Variants in ERI3 observed in about 807,000 individuals in gnomAD.
ERI3 encodes ERI1 exoribonuclease family member 3, also known as ERI1 exoribonuclease 3.
Under a neutral mutation model 44.4 loss-of-function variants are expected in ERI3, and 18 were observed. The ratio of observed to expected loss-of-function variants is 0.41; its 90% CI spans 0.28 to 0.60. The LOEUF is 0.60. Among genes scored for constraint, ERI3 ranks in the 20% least tolerant of loss-of-function variants. The pLI is 0.36. For synonymous variants in ERI3, 183 were observed against 164.8 expected, an observed-to-expected ratio of 1.11 and a Z score of -0.84; for missense variants, 294 against 435.5, an observed-to-expected ratio of 0.68 and a Z score of 2.89.
chr1:44,319,221 A>G (rs1646150442), intron 4 of ERI3, among the ~76,000 whole-genome samples: 1 of 152,270 alleles, frequency 6.6e-6, no homozygotes, highest in African/African-American at 2.4e-5. Flanking sequence ...ACCACTTTAC[A>G]GGAGGACAGA....
At chr1:44,355,273 G>T, upstream of ERI3, 1 of 1,138,130 alleles carries the variant, frequency 8.8e-7, no homozygotes, top group Non-Finnish European at 1.1e-6. Flanking sequence ...CGCGCACTCT[G>T]ACCCCGACCG....
intron 7 of ERI3, among the ~76,000 whole-genome samples, chr1:44,270,122 T>C (rs1280324902): frequency 6.6e-6 from 1 of 152,116 alleles, no homozygotes; most frequent in Non-Finnish European, 1.5e-5. Context: ...TTTCAGGGTC[T>C]AGAGTAGCAA....
chr1:44,263,112 T>C (rs1432876246), intron 7 of ERI3, among the ~76,000 whole-genome samples: 1 of 152,152 alleles, frequency 6.6e-6, no homozygotes, highest in Non-Finnish European at 1.5e-5. Flanking sequence ...CATTAAAAAA[T>C]CCAGAAGTTC....
chr1:44,285,056 G>C, intron 6 of ERI3, 149 bp from the exon 7 acceptor site: 1 of 638,516 alleles, frequency 1.6e-6, no homozygotes, highest in East Asian at 2.8e-5. Flanking sequence ...CCAAAGAAAG[G>C]GAACCCCACC....
chr1:44,354,131 A>G (rs1186140218), intron 1 of ERI3: 2 of 985,330 alleles, frequency 2.0e-6, no homozygotes, highest in Admixed American at 1.2e-4. Flanking sequence ...ATCAAAACTC[A>G]TTTAGCCACT....
chr1:44,288,282 T>C (rs570162246), intron 6 of ERI3, among the ~76,000 whole-genome samples: 1 of 152,288 alleles, frequency 6.6e-6, no homozygotes, highest in African/African-American at 2.4e-5. Context: ...CTCTAGTCAC[T>C]TGCAGGTACA....
At chr1:44,269,323 T>C (rs1323669431) in intron 7 of ERI3, among the ~76,000 whole-genome samples, 1 of 152,142 alleles carries the variant, frequency 6.6e-6, no homozygotes, top group Non-Finnish European at 1.5e-5. Context: ...CCCACGTCTT[T>C]AGTTTCTAGC....
intron 3 of ERI3, among the ~76,000 whole-genome samples, chr1:44,329,170 C>T (rs370700229): frequency 5.9e-5 from 9 of 152,308 alleles, no homozygotes; most frequent in African/African-American, 1.7e-4. Flanking sequence ...TATGAGAAGA[C>T]CGCTCATTAC....
rs565809420 is a variant in ERI3 at position 44,332,914 on chromosome 1, A to T, written c.489+6131T>A. On this transcript the variant is annotated intron_variant, in intron 3 of 8. Transcript: ENST00000372257. Reference sequence around the variant, plus strand: ...GGGCCTAGTGGGCCACCCCATTCCCACCATCACTGGCCATCAATAGAGGAA... The same window carrying T: ...GGGCCTAGTGGGCCACCCCATTCCCTCCATCACTGGCCATCAATAGAGGAA... 3.9e-5 allele frequency among the ~76,000 whole-genome samples: 6 copies of T among 152,356 alleles called. No homozygotes were observed. In the South Asian group the frequency reaches 1.2e-3, roughly 32 times the overall value.
chr1:44,240,096 C>A (rs1261224299), intron 8 of ERI3, among the ~76,000 whole-genome samples: 1 of 152,258 alleles, frequency 6.6e-6, no homozygotes, highest in East Asian at 1.9e-4. Flanking sequence ...ATACCCTCAG[C>A]CACCACAGCA....
At chr1:44,304,261 T>C (rs539306324) in intron 6 of ERI3, among the ~76,000 whole-genome samples, 68 of 152,012 alleles carry the variant, frequency 4.5e-4, no homozygotes, top group Non-Finnish European at 6.3e-4. Flanking sequence ...ATACAGAGGA[T>C]AGTTGAAGCT....
chr1:44,256,580 G>A (rs1467985098), intron 7 of ERI3, among the ~76,000 whole-genome samples: 1 of 152,178 alleles, frequency 6.6e-6, no homozygotes, highest in Non-Finnish European at 1.5e-5. Flanking sequence ...AACGGAACCT[G>A]AGTGGGATAA....
chr1:44,229,883 C>T (rs1408284622), intron 8 of ERI3, among the ~76,000 whole-genome samples: 3 of 152,162 alleles, frequency 2.0e-5, no homozygotes, highest in Non-Finnish European at 2.9e-5. Context: ...CTGAGGCAGT[C>T]CTGAGAAAGA....
At chr1:44,299,295 G>A (rs1481478054) in intron 6 of ERI3, among the ~76,000 whole-genome samples, 1 of 152,022 alleles carries the variant, frequency 6.6e-6, no homozygotes, top group Non-Finnish European at 1.5e-5. Flanking sequence ...CAATCCTCCA[G>A]CCTCAGCCTC....
At chr1:44,240,719 A>T (rs1007754819) in intron 8 of ERI3, among the ~76,000 whole-genome samples, 20 of 152,168 alleles carry the variant, frequency 1.3e-4, no homozygotes, top group African/African-American at 4.6e-4. Context: ...TGTGATTCAG[A>T]CCAGACCAAA....
intron 8 of ERI3, among the ~76,000 whole-genome samples, chr1:44,245,405 G>A (rs1644534568): frequency 6.6e-6 from 1 of 152,172 alleles, no homozygotes; most frequent in African/African-American, 2.4e-5. Flanking sequence ...GGGAGCCGCT[G>A]GTGCTGGCAA....
intron 8 of ERI3, among the ~76,000 whole-genome samples, chr1:44,237,932 A>C (rs936027600): frequency 3.3e-5 from 5 of 151,914 alleles, no homozygotes; most frequent in African/African-American, 1.2e-4. Context: ...TCCTGTGCAC[A>C]GGCTCACTGT....
Position 44,347,775 on chromosome 1 carries a change from T to TAA in ERI3, c.211+5073_211+5074dup, listed in dbSNP as rs60789961. ...AGTATAGGTGAATGTGTGCATGTGT[T>TAA]AAAAAAAAAAAAAGCATATTTGACA... On this transcript the variant is annotated intron_variant, in intron 2 of 8. Coordinates refer to ENST00000372257, the MANE Select transcript of ERI3 (RefSeq NM_024066.3). Among the ~76,000 whole-genome samples the TAA allele has an allele frequency of 5.3e-3, 787 of 148,698 alleles. 11 individuals carry two copies. The highest frequency in any genetic ancestry group is 0.049 in the East Asian group (252 of 5,092).
At chr1:44,344,954 C>G (rs893635592) in intron 2 of ERI3, among the ~76,000 whole-genome samples, 2 of 152,200 alleles carry the variant, frequency 1.3e-5, no homozygotes, top group African/African-American at 4.8e-5. Context: ...TGCGCCAGAG[C>G]CCCTGGAGGA....
Sources: gnomAD v4.1 joint callset for allele counts (sites outside exome capture counted in the v4.1 genomes callset) on GRCh38, gnomAD v4.1.1 for gene constraint, MANE v1.5 for transcripts, NCBI Gene and HGNC (gene_info 2026-07-23, HGNC 2026-07-21) for gene names.